Variants in RPS6KC1 observed in about 807,000 individuals in gnomAD.
RPS6KC1 encodes the protein ribosomal protein S6 kinase C1.
A neutral mutation model predicts 103.8 loss-of-function variants in RPS6KC1; 54 were observed. The ratio of observed to expected loss-of-function variants is 0.52; its 90% CI spans 0.42 to 0.65. RPS6KC1 has a LOEUF of 0.65. RPS6KC1 is among the 30% of genes least tolerant of loss of function. The probability of loss-of-function intolerance (pLI) is 0.00; values close to 1 mark genes in which losing one functional copy is unlikely to be tolerated. For synonymous variants in RPS6KC1, 439 were observed against 438.7 expected, an observed-to-expected ratio of 1.00 and a Z score of -0.01; for missense variants, 1,151 against 1,253.8, an observed-to-expected ratio of 0.92 and a Z score of 1.24.
chr1:213,094,410 C>T (rs967836488), intron 3 of RPS6KC1, among the ~76,000 whole-genome samples: 7 of 151,142 alleles, frequency 4.6e-5, no homozygotes, highest in African/African-American at 1.5e-4. Context: ...GATTCATAAT[C>T]ATGCCTCTCT....
intron 5 of RPS6KC1, 76 bp from the exon 6 acceptor site, chr1:213,129,451 A>G: frequency 7.0e-7 from 1 of 1,429,268 alleles, no homozygotes; most frequent in South Asian, 1.4e-5. Context: ...ATGAAAAATG[A>G]ATAATTAGCA....
chr1:213,587,854 A>T, the RPS6KC1 span, among the ~76,000 whole-genome samples: 1 of 152,192 alleles, frequency 6.6e-6, no homozygotes, highest in African/African-American at 2.4e-5. Flanking sequence ...GCCAAATTGG[A>T]GGGTAGAAAA....
At chr1:213,818,978 G>A in the RPS6KC1 span, 3 of 152,206 alleles carry the variant, frequency 2.0e-5, no homozygotes, top group African/African-American at 4.8e-5. Context: ...GTACAGGCCT[G>A]CGGTGGCTGG....
At position 213,272,835 on chromosome 1, in the gene RPS6KC1, T is replaced by C. The variant is rs1379282347; in HGVS notation, c.*201T>C. ...TATTAGCTAATTGTGCCAGGGGCTG[T>C]TATATACATATATACACAACCAAGG... On this transcript the variant is annotated 3_prime_UTR_variant, in exon 15 of 15. Transcript: ENST00000366960. 4 of 474,712 alleles carry C rather than the reference T, an allele frequency of 8.4e-6. No homozygotes were observed. In the Admixed American group the frequency reaches 1.3e-4, roughly 15 times the overall value. 29.4% of individuals were successfully genotyped at this position (474,712 alleles called of 1,614,324 possible). A position where few individuals can be genotyped will look rare whatever the true frequency, so the allele number is the denominator to read the frequency against.
At chr1:213,288,889 C>T in the RPS6KC1 span, among the ~76,000 whole-genome samples, 32 of 152,140 alleles carry the variant, frequency 2.1e-4, no homozygotes, top group Non-Finnish European at 8.8e-5. Context: ...CATCATCTCT[C>T]CACCCTTCCT....
the RPS6KC1 span, among the ~76,000 whole-genome samples, chr1:213,600,853 T>C: frequency 5.3e-5 from 8 of 152,250 alleles, no homozygotes; most frequent in African/African-American, 1.9e-4. Flanking sequence ...GTGGTATTTG[T>C]TATGTGAATG....
At chr1:213,570,509 A>AT in the RPS6KC1 span, among the ~76,000 whole-genome samples, 4 of 152,208 alleles carry the variant, frequency 2.6e-5, no homozygotes, top group Admixed American at 2.6e-4. Context: ...CAATCATGGC[A>AT]TTCTGTGTCC....
the RPS6KC1 span, among the ~76,000 whole-genome samples, chr1:213,615,729 C>A: frequency 6.6e-6 from 1 of 152,244 alleles, no homozygotes; most frequent in Non-Finnish European, 1.5e-5. Context: ...ACTTTGCAAG[C>A]CAGCTGAGCT....
At chr1:213,474,117 C>T in the RPS6KC1 span, among the ~76,000 whole-genome samples, 17 of 152,324 alleles carry the variant, frequency 1.1e-4, 1 homozygote, top group Middle Eastern at 0.01. Flanking sequence ...CATTTGCCTT[C>T]CCAGCAGTCT....
Position 213,272,544 on chromosome 1 carries a change from G to A in RPS6KC1, c.3111G>A (p.Leu1037=). ...LIQQLLQFNP[L]ERLGAGVAGV... is the part of the protein sequence containing the mutation. Reference sequence around the variant, plus strand: ...TTTAGCTCTTGCAGTTCAATCCTCTGGAACGACTTGGTGCTGGAGTTGCTG... The same window carrying A: ...TTTAGCTCTTGCAGTTCAATCCTCTAGAACGACTTGGTGCTGGAGTTGCTG... The change falls in exon 15 of 15, where the codon CTG becomes CTA. Residue 1037 remains leucine (L), a synonymous_variant. Coordinates refer to ENST00000366960, the MANE Select transcript of RPS6KC1 (RefSeq NM_012424.6). The A allele has an allele frequency of 6.2e-7, 1 of 1,613,920 alleles. No homozygotes were observed. Among genetic ancestry groups the A allele is most frequent in the Non-Finnish European group, 8.5e-7 (1 of 1,179,828 alleles).
the RPS6KC1 span, among the ~76,000 whole-genome samples, chr1:213,708,693 T>G: frequency 6.6e-6 from 1 of 152,228 alleles, no homozygotes; most frequent in African/African-American, 2.4e-5. Context: ...GGGTTTTTCA[T>G]AAATAGCTCA....
chr1:213,278,641 T>C (rs1452956694), downstream of RPS6KC1, among the ~76,000 whole-genome samples: 1 of 152,154 alleles, frequency 6.6e-6, no homozygotes, highest in East Asian at 1.9e-4. Flanking sequence ...CATCCACCCC[T>C]CCCTCCCATT....
At chr1:213,163,539 C>G (rs975872621) in intron 6 of RPS6KC1, among the ~76,000 whole-genome samples, 1 of 152,158 alleles carries the variant, frequency 6.6e-6, no homozygotes, top group Non-Finnish European at 1.5e-5. Flanking sequence ...TCCAGCATGG[C>G]TTTTCTTTTG....
chr1:213,826,533 G>A, the RPS6KC1 span, among the ~76,000 whole-genome samples: 1,508 of 152,160 alleles, frequency 9.9e-3, 27 homozygotes, highest in African/African-American at 0.035. Context: ...TAATTTGTGG[G>A]GTCCAGTGCG....
rs547173893 is a variant in RPS6KC1, at chr1:213,240,776, A to G, written c.1300A>G (p.Lys434Glu). ...PEESFDIKEV[K>E]KPTLAKVHLQ... ...AGAAAGCTTTGACATCAAGGAAGTG[A>G]AAAAACCTACACTTGCAAAAGTTCA... Residue 434 changes from lysine to glutamate, a missense_variant, in exon 11 of 15, where the codon AAA becomes GAA. Physicochemically the swap from Lys to Glu is moderately conservative, Grantham distance 56. Transcript: ENST00000366960. 1 of 1,613,926 alleles carries G rather than the reference A, an allele frequency of 6.2e-7. No homozygotes were observed. Among genetic ancestry groups the G allele is most frequent in the East Asian group, 2.2e-5 (1 of 44,880 alleles).
At chr1:213,796,511 C>T in the RPS6KC1 span, among the ~76,000 whole-genome samples, 1 of 152,044 alleles carries the variant, frequency 6.6e-6, no homozygotes, top group African/African-American at 2.4e-5. Context: ...AGCACACAGC[C>T]CCAAGAGAAA....
At chr1:213,172,956 G>A (rs540325353) in intron 7 of RPS6KC1, among the ~76,000 whole-genome samples, 246 of 152,178 alleles carry the variant, frequency 1.6e-3, no homozygotes, top group African/African-American at 5.8e-3. Context: ...TTCTCCCGTC[G>A]CGCTTCATAG....
chr1:213,785,641 C>T, the RPS6KC1 span, among the ~76,000 whole-genome samples: 2 of 151,852 alleles, frequency 1.3e-5, no homozygotes, highest in South Asian at 2.1e-4. Flanking sequence ...CAATGCCTGC[C>T]GTGGATGGGG....
At chr1:213,304,674 CTGGGATTACAGCA>C in the RPS6KC1 span, among the ~76,000 whole-genome samples, 4 of 151,994 alleles carry the variant, frequency 2.6e-5, no homozygotes, top group African/African-American at 7.3e-5. Flanking sequence ...TCCCGAGTAG[CTGGGATTACAGCA>C]TGTGCCACCA....
Sources: allele counts gnomAD v4.1 joint callset (sites outside exome capture counted in the v4.1 genomes callset), GRCh38; gene constraint gnomAD v4.1.1; transcripts MANE v1.5; gene names NCBI Gene and HGNC (gene_info 2026-07-23, HGNC 2026-07-21).